The following NET1 variants were observed in gnomAD, a reference collection of about 807,000 sequenced individuals.
NET1 encodes neuroepithelial cell transforming 1.
Under a neutral mutation model 61.1 loss-of-function variants are expected in NET1, and 42 were observed. The observed-to-expected ratio is 0.69, with a 90% confidence interval of 0.54 to 0.89. NET1 has a LOEUF of 0.89. Among genes scored for constraint, NET1 ranks in the 40% least tolerant of loss-of-function variants. The probability of loss-of-function intolerance (pLI) is 0.00; values close to 1 mark genes in which losing one functional copy is unlikely to be tolerated. For missense variants in NET1, 654 were observed against 747.3 expected, an observed-to-expected ratio of 0.88 and a Z score of 1.46; for synonymous variants, 254 against 281.8, an observed-to-expected ratio of 0.90 and a Z score of 0.99.
intron 3 of NET1, among the ~76,000 whole-genome samples, chr10:5,445,823 G>A (rs541418839): frequency 5.3e-5 from 8 of 152,214 alleles, no homozygotes; most frequent in Non-Finnish European, 1.0e-4. Context: ...GACCCTGTTC[G>A]AGCTATATCA....
intron 3 of NET1, among the ~76,000 whole-genome samples, chr10:5,436,527 C>T (rs747125215): frequency 2.0e-5 from 3 of 151,372 alleles, no homozygotes; most frequent in Admixed American, 1.3e-4. Context: ...CGAGCCACTG[C>T]GCCCAGCCTG....
rs1439643291 is a variant in NET1 at position 5,436,244 on chromosome 10, ATATATTTT to A, written c.255+7017_255+7024del. On this transcript the variant is annotated intron_variant, in intron 3 of 11. Transcript: ENST00000355029. ...TGTGTGCATATATATATATATATAT[ATATATTTT>A]TTTTTTTTTTTTTTTTTTTTTTTAA... Among the ~76,000 whole-genome samples, 91 of 22,456 alleles carry A rather than the reference ATATATTTT, an allele frequency of 4.1e-3. 1 individual carries two copies. In the South Asian group the frequency reaches 0.043, roughly 11 times the overall value. The allele number at this position is 22,456 out of a possible 152,430, so 14.7% of individuals were successfully genotyped here.
rs12219587 is a variant in NET1 at position 5,452,856 on chromosome 10, A to G, written c.532-2A>G. ...CCTCTGATGTTTGCTGGATGTTTTT[A>G]GGCAATATATGAAATGTCCCGAGGT... On this transcript the variant is annotated splice_acceptor_variant, in intron 5 of 11. Coordinates refer to ENST00000355029, the MANE Select transcript of NET1 (RefSeq NM_001047160.3). LOFTEE classifies it high-confidence loss of function. The surrounding 1 kb of genome is among the most constrained non-coding windows in gnomAD (Gnocchi z 4.0). The G allele has an allele frequency of 6.2e-7, 1 of 1,611,908 alleles. No homozygotes were observed. Among genetic ancestry groups the G allele is most frequent in the Non-Finnish European group, 8.5e-7 (1 of 1,179,310 alleles).
At chr10:5,442,418 G>C (rs911168083) in intron 3 of NET1, among the ~76,000 whole-genome samples, 26 of 144,078 alleles carry the variant, frequency 1.8e-4, no homozygotes, top group Admixed American at 1.7e-3. Context: ...TAAATTCCAA[G>C]CAGTTTTTCA....
rs71388435 is a variant in NET1 at position 5,435,474 on chromosome 10, G to GAGATAGATAGATAGATAGAT, written c.255+6285_255+6304dup. Among the ~76,000 whole-genome samples, 1 of 142,742 alleles carries GAGATAGATAGATAGATAGAT rather than the reference G, an allele frequency of 7.0e-6. No individual in the cohort carries two copies. The highest frequency in any genetic ancestry group is 2.7e-5 in the African/African-American group (1 of 37,540). The allele number at this position is 142,742 out of a possible 152,430, so 93.6% of individuals were successfully genotyped here. On this transcript the variant is annotated intron_variant, in intron 3 of 11. Coordinates refer to ENST00000355029, the MANE Select transcript of NET1 (RefSeq NM_001047160.3). The surrounding 1 kb of genome is among the most constrained non-coding windows in gnomAD (Gnocchi z 5.0). ...TTCTACTTTATATGCCTCCGTGCCT[G>GAGATAGATAGATAGATAGAT]AGATAGATAGATAGATAGATAGATA... is the stretch of plus-strand genomic sequence containing the variant.
At position 5,422,796 on chromosome 10, in the gene NET1, T is replaced by C. The variant is rs1006140234; in HGVS notation, c.129-3859T>C. On this transcript the variant is annotated intron_variant, in intron 1 of 11. Coordinates refer to ENST00000355029, the MANE Select transcript of NET1 (RefSeq NM_001047160.3). The surrounding 1 kb of genome is among the most constrained non-coding windows in gnomAD (Gnocchi z 4.1). ...GACAACTCCTTAATAGCAAAGATGC[T>C]GAACAGCCAAAACAGTAGTGGATGT... 3.3e-5 allele frequency among the ~76,000 whole-genome samples: 5 copies of C among 152,212 alleles called. No individual in the cohort carries two copies. The highest frequency in any genetic ancestry group is 7.4e-5 in the Non-Finnish European group (5 of 68,018).
chr10:5,454,289 G>C lies in NET1; in HGVS notation c.793G>C (p.Gly265Arg), dbSNP rs1286838364. 1.2e-6 allele frequency: 2 copies of C among 1,613,854 alleles called. No individual in the cohort carries two copies. The highest frequency in any genetic ancestry group is 2.7e-5 in the African/African-American group (2 of 74,864). ...GTTACCGCGCTTGAATGCCTACAGAGGTTACTGTAGTAACCAGCTGGCAGC... is the reference window on the plus strand; with the variant it reads ...GTTACCGCGCTTGAATGCCTACAGACGTTACTGTAGTAACCAGCTGGCAGC... ...SWLPRLNAYR[G>R]YCSNQLAAKA... Residue 265 changes from glycine to arginine, a missense_variant, in exon 9 of 12, where the codon GGT (glycine) becomes CGT (arginine). Gly to Arg is a moderately radical substitution (Grantham distance 125). Coordinates refer to ENST00000355029, the MANE Select transcript of NET1 (RefSeq NM_001047160.3). This position sits in a 1 kb window ranked among gnomAD's most constrained non-coding sequence, Gnocchi z 8.1.
intron 3 of NET1, among the ~76,000 whole-genome samples, chr10:5,429,909 A>T (rs937014767): frequency 1.3e-5 from 2 of 152,182 alleles, no homozygotes; most frequent in Non-Finnish European, 2.9e-5. Context: ...GTACATTTTT[A>T]AATGTGATTT....
rs183299624 is a variant in NET1, at chr10:5,453,101, T to C, written c.595-149T>C. ...TACAAGTATTAGTAAGAGAGTTTAT[T>C]TGGGGATTAATACATACTAATTTAT... On this transcript the variant is annotated intron_variant, in intron 6 of 11. Coordinates refer to ENST00000355029, the MANE Select transcript of NET1 (RefSeq NM_001047160.3). This position sits in a 1 kb window ranked among gnomAD's most constrained non-coding sequence, Gnocchi z 4.9. The C allele has an allele frequency of 1.1e-4, 77 of 720,722 alleles. No individual in the cohort carries two copies. The African/African-American group carries it at 1.3e-3, about 12-fold the overall frequency. The allele number at this position is 720,722 out of a possible 1,614,324, so 44.6% of individuals were successfully genotyped here. A position where few individuals can be genotyped will look rare whatever the true frequency, so the allele number is the denominator to read the frequency against.
Position 5,429,239 on chromosome 10 carries a change from G to T in NET1, c.255+10G>T, listed in dbSNP as rs1832310057. ...CAGCCTTGATCTGAAGGTAAGCCCT[G>T]CTGCCCTGTTAAAGAAAAGCATTTA... On this transcript the variant is annotated intron_variant, in intron 3 of 11. Coordinates refer to ENST00000355029, the MANE Select transcript of NET1 (RefSeq NM_001047160.3). 1.7e-5 allele frequency: 27 copies of T among 1,570,958 alleles called. No homozygotes were observed. The highest frequency in any genetic ancestry group is 2.3e-5 in the Non-Finnish European group (26 of 1,148,106).
intron 3 of NET1, among the ~76,000 whole-genome samples, chr10:5,430,515 C>T (rs1317251763): frequency 1.3e-5 from 2 of 151,820 alleles, no homozygotes; most frequent in Non-Finnish European, 2.9e-5. Flanking sequence ...GCTGAGATTA[C>T]AGGTGTGTGC....
intron 3 of NET1, among the ~76,000 whole-genome samples, chr10:5,438,885 GAGCACACTGA>G (rs1832480219): frequency 6.6e-6 from 1 of 152,186 alleles, no homozygotes; most frequent in African/African-American, 2.4e-5. Flanking sequence ...CCTGCTGCTG[GAGCACACTGA>G]ACCTTCATGC....
Position 5,447,552 on chromosome 10 carries a change from C to A in NET1, c.256-4278C>A, listed in dbSNP as rs1832634678. On this transcript the variant is annotated intron_variant, in intron 3 of 11. Coordinates refer to ENST00000355029, the MANE Select transcript of NET1 (RefSeq NM_001047160.3). The surrounding 1 kb of genome is among the most constrained non-coding windows in gnomAD (Gnocchi z 4.1). ...TCACTTATATGCTAGGAATAGTGTTCCTGCATTCAGTTAACTGTGTATCTC... is the reference window on the plus strand; with the variant it reads ...TCACTTATATGCTAGGAATAGTGTTACTGCATTCAGTTAACTGTGTATCTC... 3.3e-5 allele frequency among the ~76,000 whole-genome samples: 5 copies of A among 151,988 alleles called. No individual in the cohort carries two copies. Among genetic ancestry groups the A allele is most frequent in the African/African-American group, 1.2e-4 (5 of 41,344 alleles).
intron 3 of NET1, among the ~76,000 whole-genome samples, chr10:5,448,419 A>G (rs1382793864): frequency 1.3e-5 from 2 of 152,236 alleles, no homozygotes; most frequent in African/African-American, 2.4e-5. Context: ...ATCTAACTAC[A>G]AGTGGATTAC....
intron 1 of NET1, among the ~76,000 whole-genome samples, chr10:5,419,247 G>C (rs1273255308): frequency 2.6e-5 from 4 of 152,038 alleles, no homozygotes; most frequent in African/African-American, 9.7e-5. Flanking sequence ...TTATTTTCAA[G>C]CTGTTTATAT....
chr10:5,432,015 C>T (rs925385226), intron 3 of NET1, among the ~76,000 whole-genome samples: 1 of 152,100 alleles, frequency 6.6e-6, no homozygotes, highest in African/African-American at 2.4e-5. Context: ...CATCTAGTGG[C>T]TTAATAGCCT....
In NET1 at chr10:5,456,156, T is replaced by C. The variant is rs1832793797; in HGVS notation, c.1267T>C (p.Ser423Pro). 1.2e-6 allele frequency: 2 copies of C among 1,614,204 alleles called. No individual in the cohort carries two copies. The highest frequency in any genetic ancestry group is 4.5e-5 in the East Asian group (2 of 44,882). The change falls in exon 11 of 12, where the codon TCT becomes CCT. Residue 423 changes from serine (S) to proline (P), a missense_variant. Ser to Pro is a moderately conservative substitution (Grantham distance 74, BLOSUM62 -1). Transcript: ENST00000355029. The surrounding 1 kb of genome is among the most constrained non-coding windows in gnomAD (Gnocchi z 7.0). Reference protein sequence around the residue: ...TRPVTRNERHSYQVYRQPIPV... With the variant: ...TRPVTRNERHPYQVYRQPIPV... ...GCCCGTCACACGGAACGAACGGCACTCTTACCAGGTTTACCGGCAGCCAAT... is the reference window on the plus strand; with the variant it reads ...GCCCGTCACACGGAACGAACGGCACCCTTACCAGGTTTACCGGCAGCCAAT...
rs901753194 is a variant in NET1, at chr10:5,420,270, A to G, written c.129-6385A>G. On this transcript the variant is annotated intron_variant, in intron 1 of 11. Coordinates refer to ENST00000355029, the MANE Select transcript of NET1 (RefSeq NM_001047160.3). The surrounding 1 kb of genome is among the most constrained non-coding windows in gnomAD (Gnocchi z 5.3). ...AAGTATACATGGATGTATGTACAAG[A>G]AAGTATATCCTAGCACATTTGTGTA... is the stretch of plus-strand genomic sequence containing the variant. Among the ~76,000 whole-genome samples, 8 of 152,252 alleles carry G rather than the reference A, an allele frequency of 5.3e-5. No homozygotes were observed. The highest frequency in any genetic ancestry group is 4.6e-4 in the Admixed American group (7 of 15,286).
intron 3 of NET1, among the ~76,000 whole-genome samples, chr10:5,436,097 A>G (rs1458038383): frequency 6.7e-6 from 1 of 149,630 alleles, no homozygotes; most frequent in African/African-American, 2.5e-5. Context: ...GTTTTAAAGT[A>G]TGTTCTTTTT....
Sources: allele counts gnomAD v4.1 joint callset (sites outside exome capture counted in the v4.1 genomes callset), GRCh38; gene constraint gnomAD v4.1.1; non-coding constraint Gnocchi (gnomAD v3.1); transcripts MANE v1.5; gene names NCBI Gene and HGNC (gene_info 2026-07-23, HGNC 2026-07-21).